The following ZEB1 variants were observed in gnomAD, a reference collection of about 807,000 sequenced individuals.
The protein encoded by ZEB1 is zinc finger E-box binding homeobox 1.
Under a neutral mutation model 84.9 loss-of-function variants are expected in ZEB1, and 21 were observed. That is an observed-to-expected ratio of 0.25 (90% CI 0.18 to 0.36). The LOEUF (loss-of-function observed/expected upper bound fraction) is 0.36, where lower values mean the gene tolerates loss of function less well. Among genes scored for constraint, ZEB1 ranks in the 10% least tolerant of loss-of-function variants. The pLI is 1.00. For synonymous variants in ZEB1, 420 were observed against 471.1 expected, an observed-to-expected ratio of 0.89 and a Z score of 1.41; for missense variants, 1,104 against 1,330.2, an observed-to-expected ratio of 0.83 and a Z score of 2.65.
Position 31,385,650 on chromosome 10 carries a change from C to G in ZEB1, c.58+66358C>G, listed in dbSNP as rs114167062. Among the ~76,000 whole-genome samples the G allele has an allele frequency of 5.6e-3, 847 of 152,112 alleles. 13 individuals are homozygous for G. The highest frequency in any genetic ancestry group is 0.02 in the African/African-American group (812 of 41,470). ...CAAGCAGTTCTCCTGCCTTAGCCCC[C>G]CCAAGTAACTGGGATTACAGGCGCT... On this transcript the variant is annotated intron_variant, in intron 1 of 8. Coordinates refer to ENST00000424869, the MANE Select transcript of ZEB1 (RefSeq NM_001174096.2).
At chr10:31,343,512 G>T (rs929361038) in intron 1 of ZEB1, among the ~76,000 whole-genome samples, 2 of 151,346 alleles carry the variant, frequency 1.3e-5, no homozygotes, top group South Asian at 2.1e-4. Context: ...TTTAAAGTAC[G>T]GCCTTTGATT....
chr10:31,322,645 G>A (rs1161998696), intron 1 of ZEB1, among the ~76,000 whole-genome samples: 3 of 152,052 alleles, frequency 2.0e-5, no homozygotes, highest in Non-Finnish European at 4.4e-5. Flanking sequence ...CATTAGAATT[G>A]CTTGAATTAG....
In ZEB1 at chr10:31,520,875, G is replaced by A; in HGVS notation, c.1543G>A (p.Val515Ile). The A allele has an allele frequency of 1.2e-6, 2 of 1,614,122 alleles. No individual in the cohort carries two copies. The highest frequency in any genetic ancestry group is 1.7e-6 in the Non-Finnish European group (2 of 1,180,000). ...TGAAAAGTTACCAGAAGATCTTACT[G>A]TTAAGTCTGAGAAGGACAAAAGCTT... is the stretch of plus-strand genomic sequence containing the variant. ...KSEKLPEDLT[V>I]KSEKDKSFEG... Residue 515 changes from valine (V) to isoleucine (I), a missense_variant, in exon 7 of 9, where the codon GTT (valine) becomes ATT (isoleucine). By Grantham distance (29) the Val-to-Ile change is conservative. This residue lies in a region of ZEB1 where 531 missense variants were observed against 575.2 expected (regional missense o/e 0.92). Coordinates refer to ENST00000424869, the MANE Select transcript of ZEB1 (RefSeq NM_001174096.2). This position sits in a 1 kb window ranked among gnomAD's most constrained non-coding sequence, Gnocchi z 5.1.
chr10:31,334,171 A>T (rs1274700964), intron 1 of ZEB1, among the ~76,000 whole-genome samples: 2 of 152,226 alleles, frequency 1.3e-5, no homozygotes, highest in African/African-American at 4.8e-5. Flanking sequence ...AACAGGACTT[A>T]CAAGCCTGCT....
intron 1 of ZEB1, among the ~76,000 whole-genome samples, chr10:31,349,666 A>G (rs1417208975): frequency 6.6e-6 from 1 of 152,166 alleles, no homozygotes; most frequent in East Asian, 1.9e-4. Flanking sequence ...TTCCCTGATG[A>G]TTAGTCATGC....
chr10:31,486,981 A>G (rs762216695), intron 2 of ZEB1, among the ~76,000 whole-genome samples: 1 of 151,344 alleles, frequency 6.6e-6, no homozygotes, highest in Non-Finnish European at 1.5e-5. Flanking sequence ...TTCAATATGG[A>G]TGTCCAATTG....
In ZEB1 at chr10:31,521,146, C is replaced by T. The variant is rs2072252445; in HGVS notation, c.1814C>T (p.Ala605Val). The T allele has an allele frequency of 6.2e-7, 1 of 1,614,036 alleles. No individual in the cohort carries two copies. Among genetic ancestry groups the T allele is most frequent in the Non-Finnish European group, 8.5e-7 (1 of 1,179,998 alleles). The part of the protein sequence containing the change: ...SLLKAYYALN[A>V]QPSAEELSKI... ...CTAAAAGCATATTATGCTTTGAATG[C>T]ACAACCAAGTGCAGAAGAGCTCTCA... Residue 605 changes from alanine to valine, a missense_variant, in exon 7 of 9, where the codon GCA (alanine) becomes GTA (valine). Ala to Val is a moderately conservative substitution (Grantham distance 64). Transcript: ENST00000424869.
At chr10:31,447,887 T>C (rs2060001807) in intron 1 of ZEB1, among the ~76,000 whole-genome samples, 1 of 152,220 alleles carries the variant, frequency 6.6e-6, no homozygotes, top group Non-Finnish European at 1.5e-5. Context: ...GACAATTATG[T>C]GTCTTGGAGT....
chr10:31,405,567 T>C (rs1298113348), intron 1 of ZEB1, among the ~76,000 whole-genome samples: 1 of 152,176 alleles, frequency 6.6e-6, no homozygotes, highest in Non-Finnish European at 1.5e-5. Flanking sequence ...ACTTTATTTT[T>C]TAAAGATTTT....
chr10:31,492,059 C>G (rs528318907), intron 2 of ZEB1, among the ~76,000 whole-genome samples: 1 of 151,806 alleles, frequency 6.6e-6, no homozygotes, highest in Non-Finnish European at 1.5e-5. Context: ...GCTGGCTCAG[C>G]GATGACTTAC....
At chr10:31,368,495 T>C (rs2045020846) in intron 1 of ZEB1, among the ~76,000 whole-genome samples, 1 of 152,214 alleles carries the variant, frequency 6.6e-6, no homozygotes, top group East Asian at 1.9e-4. Context: ...AGCTTACTTA[T>C]AATACCTAAT....
chr10:31,481,252 T>C lies in ZEB1; in HGVS notation c.260-14524T>C, dbSNP rs111262914. 4.3e-3 allele frequency among the ~76,000 whole-genome samples: 651 copies of C among 152,168 alleles called. 6 individuals carry two copies. The highest frequency in any genetic ancestry group is 0.014 in the Middle Eastern group (4 of 294). ...GTATGAACTTATGGTTCTGAATATATATAAAAACAGATAAATATGAAAATA... is the reference window on the plus strand; with the variant it reads ...GTATGAACTTATGGTTCTGAATATACATAAAAACAGATAAATATGAAAATA... On this transcript the variant is annotated intron_variant, in intron 2 of 8. Transcript: ENST00000424869.
intron 1 of ZEB1, among the ~76,000 whole-genome samples, chr10:31,331,063 TTTC>T (rs1381327531): frequency 6.7e-6 from 1 of 149,490 alleles, no homozygotes; most frequent in African/African-American, 2.5e-5. Context: ...TTCATTTTCT[TTTC>T]TTTTTTCTTT....
intron 1 of ZEB1, among the ~76,000 whole-genome samples, chr10:31,405,582 A>C (rs2135580984): frequency 6.6e-6 from 1 of 152,256 alleles, no homozygotes; most frequent in East Asian, 1.9e-4. Flanking sequence ...GATTTTGGAA[A>C]TTAAAATTTA....
intron 2 of ZEB1, among the ~76,000 whole-genome samples, chr10:31,466,141 A>T (rs2137654730): frequency 6.6e-6 from 1 of 152,330 alleles, no homozygotes; most frequent in East Asian, 1.9e-4. Flanking sequence ...AAAAAATATA[A>T]CTGAAGGGAG....
At chr10:31,363,954 T>C in intron 1 of ZEB1, 1 of 1,294,084 alleles carries the variant, frequency 7.7e-7, no homozygotes, top group Non-Finnish European at 9.9e-7. Context: ...CCCGGCCAGC[T>C]GGGAAGGCCT....
intron 2 of ZEB1, among the ~76,000 whole-genome samples, chr10:31,462,302 GTGT>G (rs1411726724): frequency 2.0e-5 from 3 of 152,318 alleles, no homozygotes; most frequent in Non-Finnish European, 1.5e-5. Context: ...TCATTTTATA[GTGT>G]TGTTCATTTG....
At chr10:31,332,857 T>G (rs2037094011) in intron 1 of ZEB1, among the ~76,000 whole-genome samples, 1 of 152,222 alleles carries the variant, frequency 6.6e-6, no homozygotes, top group Admixed American at 6.5e-5. Flanking sequence ...CAGGGACTTT[T>G]GTGTTCTATG....
chr10:31,332,911 C>T (rs2037110647), intron 1 of ZEB1, among the ~76,000 whole-genome samples: 1 of 152,022 alleles, frequency 6.6e-6, no homozygotes, highest in Admixed American at 6.6e-5. Context: ...AAAAATTAAC[C>T]TCATTTCATT....
Sources: allele counts gnomAD v4.1 joint callset (sites outside exome capture counted in the v4.1 genomes callset), GRCh38; gene constraint gnomAD v4.1.1; regional missense constraint gnomAD v4.1.1; non-coding constraint Gnocchi (gnomAD v3.1); transcripts MANE v1.5; gene names NCBI Gene and HGNC (gene_info 2026-07-23, HGNC 2026-07-21).